Variants in ITPR1 observed in about 807,000 individuals in gnomAD.
The protein encoded by ITPR1 is inositol 1,4,5-trisphosphate receptor type 1, also known as inositol 1,4,5-trisphosphate-gated calcium channel ITPR1.
Under a neutral mutation model 318.4 loss-of-function variants are expected in ITPR1, and 96 were observed. The ratio of observed to expected loss-of-function variants is 0.30; its 90% CI spans 0.26 to 0.36. The LOEUF is 0.36. Among genes scored for constraint, ITPR1 ranks in the 10% least tolerant of loss-of-function variants. ITPR1 has a pLI of 1.00. For missense variants in ITPR1, 2,440 were observed against 3,460.2 expected (o/e 0.71, Z 7.40); for synonymous variants, 1,312 against 1,289.9 (o/e 1.02, Z -0.37).
chr3:4,736,857 G>A (rs1004783458), intron 44 of ITPR1, among the ~76,000 whole-genome samples: 6 of 152,198 alleles, frequency 3.9e-5, no homozygotes, highest in East Asian at 1.9e-4. Context: ...CCCTTTCTGC[G>A]TATGTGCTGC....
At chr3:4,554,697 T>C (rs1311219771) in intron 4 of ITPR1, among the ~76,000 whole-genome samples, 1 of 120,622 alleles carries the variant, frequency 8.3e-6, no homozygotes, top group Non-Finnish European at 1.9e-5. Flanking sequence ...CCTAGAATCA[T>C]GATGGGGGCC....
intron 59 of ITPR1, among the ~76,000 whole-genome samples, chr3:4,816,006 AC>A (rs1483412903): frequency 4.0e-5 from 6 of 151,134 alleles, no homozygotes; most frequent in African/African-American, 1.5e-4. Flanking sequence ...ACACACACAC[AC>A]ACACACACAT....
intron 4 of ITPR1, among the ~76,000 whole-genome samples, chr3:4,602,547 A>C (rs1487724817): frequency 1.4e-5 from 2 of 146,378 alleles, no homozygotes; most frequent in African/African-American, 2.5e-5. Context: ...AAAAAAAAAA[A>C]AACTTGTACA....
At chr3:4,656,838 T>G (rs2093720972) in intron 12 of ITPR1, among the ~76,000 whole-genome samples, 1 of 152,178 alleles carries the variant, frequency 6.6e-6, no homozygotes, top group South Asian at 2.1e-4. Context: ...TAGATGCAGG[T>G]GGAGGCTGTC....
chr3:4,599,202 C>A (rs1053237014), intron 4 of ITPR1, among the ~76,000 whole-genome samples: 1 of 152,272 alleles, frequency 6.6e-6, no homozygotes, highest in Middle Eastern at 3.4e-3. Flanking sequence ...GATATGGGAT[C>A]TCAGAGAGGT....
intron 10 of ITPR1, among the ~76,000 whole-genome samples, chr3:4,649,992 A>G (rs1438012677): frequency 2.6e-5 from 4 of 152,268 alleles, no homozygotes; most frequent in Admixed American, 6.5e-5. Flanking sequence ...ATGAGAGGAC[A>G]CACACATTTA....
intron 55 of ITPR1, 148 bp downstream of exon 55, chr3:4,806,415 G>C: frequency 1.3e-6 from 1 of 767,726 alleles, no homozygotes; most frequent in Middle Eastern, 3.1e-4. Context: ...AGCCTTTGGG[G>C]GATCTGAGAG....
At chr3:4,606,843 T>C (rs982613329) in intron 4 of ITPR1, among the ~76,000 whole-genome samples, 1 of 152,156 alleles carries the variant, frequency 6.6e-6, no homozygotes, top group Non-Finnish European at 1.5e-5. Context: ...TTATTTTCTT[T>C]CACAAGTTTC....
chr3:4,537,046 G>T (rs2083939356), intron 4 of ITPR1, among the ~76,000 whole-genome samples: 1 of 152,194 alleles, frequency 6.6e-6, no homozygotes, highest in Admixed American at 6.5e-5. Context: ...TTTGAGTACT[G>T]TCAGCAGCCT....
intron 11 of ITPR1, among the ~76,000 whole-genome samples, chr3:4,652,450 G>A (rs2093617452): frequency 6.6e-6 from 1 of 152,148 alleles, no homozygotes; most frequent in African/African-American, 2.4e-5. Flanking sequence ...GAGAAAGTAA[G>A]TTAGAAGATC....
intron 8 of ITPR1, among the ~76,000 whole-genome samples, chr3:4,644,840 G>C (rs1312793732): frequency 6.6e-6 from 1 of 152,138 alleles, no homozygotes; most frequent in East Asian, 1.9e-4. Context: ...CTGCATATCA[G>C]TTTCCTTATC....
chr3:4,737,598 G>T (rs1044982177), intron 44 of ITPR1, among the ~76,000 whole-genome samples: 9 of 152,180 alleles, frequency 5.9e-5, no homozygotes, highest in African/African-American at 1.7e-4. Context: ...GAGCAGTGCA[G>T]CCCTCCAAGG....
rs1308081511 is a variant in ITPR1 at position 4,811,578 on chromosome 3, A to C, written c.7468+118A>C. 4.1e-6 allele frequency: 3 copies of C among 735,726 alleles called. No individual in the cohort carries two copies. In the African/African-American group the frequency reaches 5.3e-5, roughly 13 times the overall value. 45.6% of individuals were successfully genotyped at this position (735,726 alleles called of 1,614,324 possible). A position where few individuals can be genotyped will look rare whatever the true frequency, so the allele number is the denominator to read the frequency against. On this transcript the variant is annotated intron_variant, in intron 56 of 61. Transcript: ENST00000649015. ...TATCTCCCCATTGTATCTCCCTAAC[A>C]CGCAGAGTGTGAATTTCAAATACAG...
At chr3:4,610,644 G>T (rs537838874) in intron 4 of ITPR1, among the ~76,000 whole-genome samples, 1 of 152,226 alleles carries the variant, frequency 6.6e-6, no homozygotes, top group African/African-American at 2.4e-5. Flanking sequence ...AGGTACTGAG[G>T]ATGTAGAGTT....
At chr3:4,694,998 C>G (rs1255309234) in intron 33 of ITPR1, among the ~76,000 whole-genome samples, 1 of 152,156 alleles carries the variant, frequency 6.6e-6, no homozygotes, top group African/African-American at 2.4e-5. Context: ...GAAGATGATA[C>G]TCTAGGTATA....
In ITPR1 at chr3:4,676,420, C is replaced by T. The variant is rs77677275; in HGVS notation, c.2780-194C>T. Among the ~76,000 whole-genome samples the T allele has an allele frequency of 8.2e-4, 125 of 152,194 alleles. No homozygotes were observed. In the East Asian group the frequency reaches 0.021, roughly 25 times the overall value. ...ATGCCCCTCTGGGGATTTTGAAGCC[C>T]GTGATCTTTCTGTTGCTCTCAGAAG... On this transcript the variant is annotated intron_variant, in intron 23 of 61. Coordinates refer to ENST00000649015, the MANE Select transcript of ITPR1 (RefSeq NM_001378452.1).
Position 4,676,617 on chromosome 3 carries a change from G to A in ITPR1, c.2783G>A (p.Ser928Asn). Residue 928 changes from serine (S) to asparagine (N), a missense_variant, in exon 24 of 62, where the codon AGT becomes AAT. Ser to Asn is a conservative substitution (Grantham distance 46). Transcript: ENST00000649015. ...GGTCTCTCCTGGCCTTTCCTAGGCA[G>A]TAACGTGATGAGATCTATTCATGGC... ...GNNDVEKLKSSNVMRSIHGVG... is the reference protein window; with the variant it reads ...GNNDVEKLKSNNVMRSIHGVG... 1 of 1,613,330 alleles carries A rather than the reference G, an allele frequency of 6.2e-7. No individual in the cohort carries two copies. Among genetic ancestry groups the A allele is most frequent in the Non-Finnish European group, 8.5e-7 (1 of 1,179,510 alleles).
intron 26 of ITPR1, 121 bp downstream of exon 26, chr3:4,681,539 C>G (rs1463196868): frequency 1.1e-5 from 8 of 715,780 alleles, no homozygotes; most frequent in African/African-American, 5.3e-5. Context: ...TTGGTGCTAT[C>G]TTTGGAACTG....
chr3:4,541,854 G>T (rs1269817774), intron 4 of ITPR1, among the ~76,000 whole-genome samples: 1 of 152,072 alleles, frequency 6.6e-6, no homozygotes, highest in South Asian at 2.1e-4. Flanking sequence ...TCAATCTCTT[G>T]ACCTGATGAT....
Sources: allele counts gnomAD v4.1 joint callset (sites outside exome capture counted in the v4.1 genomes callset), GRCh38; gene constraint gnomAD v4.1.1; transcripts MANE v1.5; gene names NCBI Gene and HGNC (gene_info 2026-07-23, HGNC 2026-07-21).